ADAMTS19: variants seen among roughly 807,000 people sequenced by gnomAD.
The protein encoded by ADAMTS19 is A disintegrin and metalloproteinase with thrombospondin motifs 19.
Under a neutral mutation model 153.3 loss-of-function variants are expected in ADAMTS19, and 93 were observed. That is an observed-to-expected ratio of 0.61 (90% CI 0.51 to 0.72). ADAMTS19 has a LOEUF of 0.72. Among genes scored for constraint, ADAMTS19 ranks in the 30% least tolerant of loss-of-function variants. The probability of loss-of-function intolerance (pLI) is 0.00; values close to 1 mark genes in which losing one functional copy is unlikely to be tolerated. For synonymous variants in ADAMTS19, 600 were observed against 556.6 expected, an observed-to-expected ratio of 1.08 and a Z score of -1.10; for missense variants, 1,482 against 1,552.1, an observed-to-expected ratio of 0.95 and a Z score of 0.76.
intron 6 of ADAMTS19, among the ~76,000 whole-genome samples, chr5:129,542,479 A>T (rs775485654): frequency 6.6e-6 from 1 of 152,198 alleles, no homozygotes; most frequent in Non-Finnish European, 1.5e-5. Flanking sequence ...CTTCCATTAT[A>T]ACCCTGGGAA....
At chr5:129,490,123 C>T (rs77046715) in intron 2 of ADAMTS19, among the ~76,000 whole-genome samples, 3,605 of 152,186 alleles carry the variant, frequency 0.024, 144 homozygotes, top group African/African-American at 0.082. Flanking sequence ...GAATTACTCC[C>T]GGCATTCCAG....
intron 7 of ADAMTS19, among the ~76,000 whole-genome samples, chr5:129,552,717 A>T (rs887065014): frequency 6.6e-6 from 1 of 151,442 alleles, no homozygotes; most frequent in African/African-American, 2.4e-5. Context: ...AATAATAAAT[A>T]AAAGGGTGTA....
At chr5:129,702,971 T>TATATAC (rs1389589629) in intron 20 of ADAMTS19, among the ~76,000 whole-genome samples, 47 of 129,774 alleles carry the variant, frequency 3.6e-4, no homozygotes, top group African/African-American at 1.4e-3. Context: ...TATATATATA[T>TATATAC]ACAAATACAT....
chr5:129,624,365 A>G (rs1751928936), intron 10 of ADAMTS19, among the ~76,000 whole-genome samples: 1 of 152,162 alleles, frequency 6.6e-6, no homozygotes, highest in South Asian at 2.1e-4. Flanking sequence ...GTCTTTAGAC[A>G]ATCAAAAGTC....
intron 21 of ADAMTS19, among the ~76,000 whole-genome samples, chr5:129,708,860 A>G (rs1382946343): frequency 1.3e-5 from 2 of 152,126 alleles, no homozygotes; most frequent in Admixed American, 6.5e-5. Flanking sequence ...AAGTTATGAC[A>G]TATTAACAGA....
intron 2 of ADAMTS19, among the ~76,000 whole-genome samples, chr5:129,474,178 C>T (rs1402965454): frequency 1.3e-5 from 2 of 152,118 alleles, no homozygotes; most frequent in Non-Finnish European, 2.9e-5. Context: ...TGTCCTCATT[C>T]ACTTAGCATG....
chr5:129,476,722 C>A (rs1349299059), intron 2 of ADAMTS19, among the ~76,000 whole-genome samples: 1 of 152,058 alleles, frequency 6.6e-6, no homozygotes, highest in African/African-American at 2.4e-5. Context: ...GAAATAAAGA[C>A]CCTTAGATAG....
chr5:129,605,086 C>T (rs1337303025), intron 8 of ADAMTS19, among the ~76,000 whole-genome samples: 1 of 152,194 alleles, frequency 6.6e-6, no homozygotes, highest in East Asian at 1.9e-4. Flanking sequence ...GACTAAGCTA[C>T]CAACACTTCT....
At chr5:129,600,390 A>G (rs1000960538) in intron 8 of ADAMTS19, among the ~76,000 whole-genome samples, 2 of 152,162 alleles carry the variant, frequency 1.3e-5, no homozygotes, top group South Asian at 4.1e-4. Context: ...ATAACGAACT[A>G]TGATACCATG....
chr5:129,632,360 G>T (rs4326177), intron 10 of ADAMTS19, among the ~76,000 whole-genome samples: 22,082 of 150,748 alleles, frequency 0.15, 1,782 homozygotes, highest in East Asian at 0.29. Flanking sequence ...TATATATATA[G>T]ATATAGATAT....
chr5:129,460,875 T>C (rs914946171), intron 1 of ADAMTS19, among the ~76,000 whole-genome samples: 3 of 151,938 alleles, frequency 2.0e-5, no homozygotes, highest in Middle Eastern at 3.2e-3. Flanking sequence ...CAAACTTTGA[T>C]TCCCCCTCCC....
intron 16 of ADAMTS19, among the ~76,000 whole-genome samples, chr5:129,669,834 A>G (rs1754223924): frequency 6.6e-6 from 1 of 150,708 alleles, no homozygotes; most frequent in Non-Finnish European, 1.5e-5. Context: ...TCATTGTTGC[A>G]TTGGTTGTTA....
At chr5:129,532,693 TATAA>T (rs991231236) in intron 6 of ADAMTS19, among the ~76,000 whole-genome samples, 48 of 152,192 alleles carry the variant, frequency 3.2e-4, no homozygotes, top group Non-Finnish European at 8.8e-5. Flanking sequence ...TGCCAAAACT[TATAA>T]ATAAATTTTC....
At chr5:129,468,509 A>G (rs1259759419) in intron 2 of ADAMTS19, among the ~76,000 whole-genome samples, 1 of 151,818 alleles carries the variant, frequency 6.6e-6, no homozygotes, top group Non-Finnish European at 1.5e-5. Context: ...GCGCACCACC[A>G]CGCCCAGCTA....
intron 10 of ADAMTS19, among the ~76,000 whole-genome samples, chr5:129,628,834 T>G (rs1752167903): frequency 6.6e-6 from 1 of 152,096 alleles, no homozygotes; most frequent in African/African-American, 2.4e-5. Context: ...GTTTGTAGCT[T>G]AGAAACAATG....
intron 17 of ADAMTS19, 49 bp downstream of exon 17, chr5:129,679,970 A>G: frequency 6.5e-7 from 1 of 1,547,620 alleles, no homozygotes; most frequent in Non-Finnish European, 8.8e-7. Flanking sequence ...TCTCATGGCA[A>G]GGAATATTCC....
chr5:129,651,477 A>C (rs746145618), intron 13 of ADAMTS19, among the ~76,000 whole-genome samples: 8 of 152,074 alleles, frequency 5.3e-5, no homozygotes, highest in Non-Finnish European at 1.2e-4. Context: ...ATTCTCTTTT[A>C]TAGAATCCTA....
chr5:129,680,067 G>C (rs185334441), intron 17 of ADAMTS19, 146 bp downstream of exon 17: 4 of 930,546 alleles, frequency 4.3e-6, no homozygotes, highest in Non-Finnish European at 6.0e-6. Flanking sequence ...TAGAGGTTTT[G>C]TAAAATGTGT....
intron 8 of ADAMTS19, among the ~76,000 whole-genome samples, chr5:129,615,290 G>A (rs1321730265): frequency 6.6e-6 from 1 of 151,858 alleles, no homozygotes. Context: ...CAAAAGGTTA[G>A]GCTGGAATTA....
Sources: allele counts gnomAD v4.1 joint callset (sites outside exome capture counted in the v4.1 genomes callset), GRCh38; gene constraint gnomAD v4.1.1; transcripts MANE v1.5; gene names NCBI Gene and HGNC (gene_info 2026-07-23, HGNC 2026-07-21).